ZSCAN1: variants seen among roughly 807,000 people sequenced by gnomAD.
The protein encoded by ZSCAN1 is zinc finger and SCAN domain containing 1.
Under a neutral mutation model 23.8 loss-of-function variants are expected in ZSCAN1, and 23 were observed. The ratio of observed to expected loss-of-function variants is 0.97; its 90% CI spans 0.70 to 1.37. The LOEUF (loss-of-function observed/expected upper bound fraction) is 1.37. ZSCAN1 is among the 40% of genes most tolerant of loss of function. The pLI, the probability that ZSCAN1 is intolerant of heterozygous loss-of-function variation, is 0.00. For missense variants in ZSCAN1, 575 were observed against 554.0 expected, an observed-to-expected ratio of 1.04 and a Z score of -0.38; for synonymous variants, 236 against 232.3, an observed-to-expected ratio of 1.02 and a Z score of -0.15.
rs532806594 is a variant in ZSCAN1, at chr19:58,047,460, G to A, written c.466-5030G>A. 2.1e-4 allele frequency among the ~76,000 whole-genome samples: 32 copies of A among 152,228 alleles called. No homozygotes were observed. In the South Asian group the frequency reaches 6.4e-3, roughly 31 times the overall value. On this transcript the variant is annotated intron_variant, in intron 4 of 5. Coordinates refer to ENST00000282326, the MANE Select transcript of ZSCAN1 (RefSeq NM_182572.4). This position sits in a 1 kb window ranked among gnomAD's most constrained non-coding sequence, Gnocchi z 4.9. ...GTCGATTGGCACAGAGTTTTCCCAC[G>A]CTGGTCGGCCTGCCCCAAGAGCCAT...
Position 58,045,112 on chromosome 19 carries a change from A to C in ZSCAN1, c.465+4568A>C, listed in dbSNP as rs951914535. 5 of 1,252,234 alleles carry C rather than the reference A, an allele frequency of 4.0e-6. No individual in the cohort carries two copies. The Admixed American group carries it at 6.8e-5, about 17-fold the overall frequency. The allele number at this position is 1,252,234 out of a possible 1,614,324, so 77.6% of individuals were successfully genotyped here. ...TTCCGCCTGCTACGGATCCACACCA[A>C]GATCGCAGCACGCATGCTCTGGCGC... On this transcript the variant is annotated intron_variant, in intron 4 of 5. Coordinates refer to ENST00000282326, the MANE Select transcript of ZSCAN1 (RefSeq NM_182572.4). This position sits in a 1 kb window ranked among gnomAD's most constrained non-coding sequence, Gnocchi z 4.3.
rs758615210 is a variant in ZSCAN1, at chr19:58,053,647, G to A, written c.823G>A (p.Ala275Thr). The A allele has an allele frequency of 6.2e-7, 1 of 1,614,188 alleles. No individual in the cohort carries two copies. Among genetic ancestry groups the A allele is most frequent in the Non-Finnish European group, 8.5e-7 (1 of 1,180,032 alleles). ...LKHTKGGTQE[A>T]VAGISVVPRG... is the part of the protein sequence containing the mutation. ...GCACACCAAAGGTGGTACCCAAGAG[G>A]CTGTTGCAGGCATCTCGGTAGTGCC... Residue 275 changes from alanine (A) to threonine (T), a missense_variant, in exon 6 of 6, where the codon GCT (alanine) becomes ACT (threonine). Ala to Thr is a moderately conservative substitution (Grantham distance 58). Coordinates refer to ENST00000282326, the MANE Select transcript of ZSCAN1 (RefSeq NM_182572.4). This position sits in a 1 kb window ranked among gnomAD's most constrained non-coding sequence, Gnocchi z 5.8.
At position 58,047,392 on chromosome 19, in the gene ZSCAN1, G is replaced by A. The variant is rs1332051885; in HGVS notation, c.466-5098G>A. On this transcript the variant is annotated intron_variant, in intron 4 of 5. Transcript: ENST00000282326. This position sits in a 1 kb window ranked among gnomAD's most constrained non-coding sequence, Gnocchi z 4.9. ...CACCTGCAGTTTTCCTTGTGTATCG[G>A]AGCTCTTTCTTAACTTTCTATTTTC... 2.0e-5 allele frequency among the ~76,000 whole-genome samples: 3 copies of A among 152,190 alleles called. No individual in the cohort carries two copies. The highest frequency in any genetic ancestry group is 7.2e-5 in the African/African-American group (3 of 41,452).
chr19:58,035,152 T>C (rs2073725892), intron 1 of ZSCAN1, among the ~76,000 whole-genome samples: 2 of 152,050 alleles, frequency 1.3e-5, no homozygotes, highest in African/African-American at 2.4e-5. Flanking sequence ...CAAAGTAGAC[T>C]TCTAGGACCC....
At chr19:58,050,950 T>C (rs1002375557) in intron 4 of ZSCAN1, among the ~76,000 whole-genome samples, 6 of 152,174 alleles carry the variant, frequency 3.9e-5, no homozygotes, top group Admixed American at 6.5e-5. Flanking sequence ...GGTCCACCTC[T>C]GGAAGGATAA....
In ZSCAN1 at chr19:58,045,054, G is replaced by A; in HGVS notation, c.465+4510G>A. 8.9e-7 allele frequency: 1 copy of A among 1,122,860 alleles called. No individual in the cohort carries two copies. Among genetic ancestry groups the A allele is most frequent in the South Asian group, 1.2e-5 (1 of 80,044 alleles). The allele number at this position is 1,122,860 out of a possible 1,614,324, so 69.6% of individuals were successfully genotyped here. A position where few individuals can be genotyped will look rare whatever the true frequency, so the allele number is the denominator to read the frequency against. Reference sequence around the variant, plus strand: ...TGGTGAAGTCCCGGGGGCAGAGAGGGTGCTGGGCGAGCTGAGGCACTACTA... The same window carrying A: ...TGGTGAAGTCCCGGGGGCAGAGAGGATGCTGGGCGAGCTGAGGCACTACTA... On this transcript the variant is annotated intron_variant, in intron 4 of 5. Coordinates refer to ENST00000282326, the MANE Select transcript of ZSCAN1 (RefSeq NM_182572.4). This position sits in a 1 kb window ranked among gnomAD's most constrained non-coding sequence, Gnocchi z 4.3.
Position 58,053,215 on chromosome 19 carries a change from C to CCAAAG in ZSCAN1, c.605-213_605-209dup, listed in dbSNP as rs2073869972. On this transcript the variant is annotated intron_variant, in intron 5 of 5. Coordinates refer to ENST00000282326, the MANE Select transcript of ZSCAN1 (RefSeq NM_182572.4). The surrounding 1 kb of genome is among the most constrained non-coding windows in gnomAD (Gnocchi z 5.8). Reference sequence around the variant, plus strand: ...CTCATGATCCACCTTCCTCGGCCTCCCAAAGTGCTGGGATTACAGGCATGA... The same window carrying CCAAAG: ...CTCATGATCCACCTTCCTCGGCCTCCCAAAGCAAAGTGCTGGGATTACAGGCATGA... Among the ~76,000 whole-genome samples the CCAAAG allele has an allele frequency of 1.3e-5, 2 of 152,162 alleles. No individual in the cohort carries two copies. The highest frequency in any genetic ancestry group is 2.9e-5 in the Non-Finnish European group (2 of 68,026).
chr19:58,045,821 G>A lies in ZSCAN1; in HGVS notation c.465+5277G>A, dbSNP rs1029150316. ...CCCACATCGCTGCTCATCCTGTCCCGGACCATGTAGCTCCCGGACACCCTC... is the reference window on the plus strand; with the variant it reads ...CCCACATCGCTGCTCATCCTGTCCCAGACCATGTAGCTCCCGGACACCCTC... On this transcript the variant is annotated intron_variant, in intron 4 of 5. Coordinates refer to ENST00000282326, the MANE Select transcript of ZSCAN1 (RefSeq NM_182572.4). The surrounding 1 kb of genome is among the most constrained non-coding windows in gnomAD (Gnocchi z 4.3). 44 of 1,475,744 alleles carry A rather than the reference G, an allele frequency of 3.0e-5. No individual in the cohort carries two copies. Among genetic ancestry groups the A allele is most frequent in the Admixed American group, 1.0e-4 (6 of 59,702 alleles). The allele number at this position is 1,475,744 out of a possible 1,614,324, so 91.4% of individuals were successfully genotyped here.
intron 4 of ZSCAN1, among the ~76,000 whole-genome samples, chr19:58,051,398 C>T (rs1388800909): frequency 1.3e-5 from 2 of 152,160 alleles, no homozygotes; most frequent in Non-Finnish European, 2.9e-5. Context: ...CCAAACACAC[C>T]ATCCACATAC....
intron 4 of ZSCAN1, chr19:58,044,578 G>T (rs1233291990): frequency 3.0e-5 from 24 of 795,052 alleles, no homozygotes; most frequent in Non-Finnish European, 4.1e-5. Flanking sequence ...CGGCCGCCAC[G>T]CCCGGACACA....
chr19:58,038,329 C>T (rs1208780230), intron 3 of ZSCAN1, 123 bp downstream of exon 3: 2 of 1,223,366 alleles, frequency 1.6e-6, no homozygotes, highest in Non-Finnish European at 2.2e-6. Flanking sequence ...GACCAGCAAA[C>T]CTCTCCTGCC....
intron 4 of ZSCAN1, among the ~76,000 whole-genome samples, chr19:58,050,250 C>G (rs1377515317): frequency 1.3e-5 from 2 of 151,910 alleles, no homozygotes; most frequent in African/African-American, 4.8e-5. Context: ...GGCTGGCCAG[C>G]ATGGTGAAGC....
intron 4 of ZSCAN1, chr19:58,044,801 G>A (rs900536620): frequency 4.9e-5 from 36 of 728,398 alleles, no homozygotes; most frequent in Middle Eastern, 3.4e-4. Context: ...CACCTCAGCT[G>A]TTGGACTCTG....
chr19:58,038,601 G>A (rs1290362251), intron 3 of ZSCAN1, among the ~76,000 whole-genome samples: 1 of 152,226 alleles, frequency 6.6e-6, no homozygotes, highest in African/African-American at 2.4e-5. Flanking sequence ...AGGCCCCATC[G>A]CTGGCTGATG....
rs2073880183 is a variant in ZSCAN1, at chr19:58,054,491, T to C, written c.*440T>C. 1 of 161,836 alleles carries C rather than the reference T, an allele frequency of 6.2e-6. No homozygotes were observed. Among genetic ancestry groups the C allele is most frequent in the Non-Finnish European group, 1.3e-5 (1 of 75,038 alleles). The allele number at this position is 161,836 out of a possible 1,614,324, so 10.0% of individuals were successfully genotyped here. A position where few individuals can be genotyped will look rare whatever the true frequency, so the allele number is the denominator to read the frequency against. On this transcript the variant is annotated 3_prime_UTR_variant, in exon 6 of 6. Transcript: ENST00000282326. The surrounding 1 kb of genome is among the most constrained non-coding windows in gnomAD (Gnocchi z 4.2). Reference sequence around the variant, plus strand: ...CTCCAACTCCAGAGAAGGGTACAGCTGACCCCGGCTGCCCTCCTGCCAGCT... The same window carrying C: ...CTCCAACTCCAGAGAAGGGTACAGCCGACCCCGGCTGCCCTCCTGCCAGCT...
rs569592904 is a variant in ZSCAN1 at position 58,034,496 on chromosome 19, C to T, written c.-152+335C>T. ...TTTGAGGCCGAAGCCCCTCTACGTA[C>T]CCCCATTGCCCGCCCAAACACCGCT... On this transcript the variant is annotated intron_variant, in intron 1 of 5. Transcript: ENST00000282326. Among the ~76,000 whole-genome samples the T allele has an allele frequency of 3.5e-3, 531 of 152,082 alleles. 1 individual carries two copies. The highest frequency in any genetic ancestry group is 0.014 in the Middle Eastern group (4 of 292).
intron 2 of ZSCAN1, among the ~76,000 whole-genome samples, 151 bp downstream of exon 2, chr19:58,036,162 G>C (rs1014425969): frequency 6.6e-5 from 10 of 152,346 alleles, no homozygotes; most frequent in African/African-American, 1.9e-4. Flanking sequence ...TCATGTCATA[G>C]TGTTGTGTAC....
intron 2 of ZSCAN1, among the ~76,000 whole-genome samples, chr19:58,037,124 G>A (rs944045324): frequency 6.6e-6 from 1 of 151,978 alleles, no homozygotes; most frequent in African/African-American, 2.4e-5. Flanking sequence ...AACACCATGG[G>A]TAGACCTGCT....
rs1343540579 is a variant in ZSCAN1 at position 58,053,966 on chromosome 19, A to G, written c.1142A>G (p.Gln381Arg). Reference sequence around the variant, plus strand: ...CCTCGCAGCCCCAAAAGACCCTTCCAGTGTAGCGTCTGCGGGAAGGCCTTC... The same window carrying G: ...CCTCGCAGCCCCAAAAGACCCTTCCGGTGTAGCGTCTGCGGGAAGGCCTTC... ...VAPRSPKRPF[Q>R]CSVCGKAFPW... The change falls in exon 6 of 6, where the codon CAG becomes CGG. Residue 381 changes from glutamine to arginine, a missense_variant. Coordinates refer to ENST00000282326, the MANE Select transcript of ZSCAN1 (RefSeq NM_182572.4). The surrounding 1 kb of genome is among the most constrained non-coding windows in gnomAD (Gnocchi z 5.8). The G allele has an allele frequency of 2.5e-6, 4 of 1,606,144 alleles. No homozygotes were observed. Among genetic ancestry groups the G allele is most frequent in the Non-Finnish European group, 2.6e-6 (3 of 1,175,440 alleles).
Sources: gnomAD v4.1 joint callset for allele counts (sites outside exome capture counted in the v4.1 genomes callset) on GRCh38, gnomAD v4.1.1 for gene constraint, Gnocchi (gnomAD v3.1) non-coding constraint, MANE v1.5 for transcripts, NCBI Gene and HGNC (gene_info 2026-07-23, HGNC 2026-07-21) for gene names.